MSH3: variants seen among roughly 807,000 people sequenced by gnomAD.
MSH3 encodes mutS homolog 3.
A neutral mutation model predicts 123.3 loss-of-function variants in MSH3; 106 were observed. The ratio of observed to expected loss-of-function variants is 0.86; its 90% CI spans 0.73 to 1.01. The LOEUF (loss-of-function observed/expected upper bound fraction) is 1.01. MSH3 is among the 50% of genes least tolerant of loss of function. The pLI is 0.00. For missense variants in MSH3, 1,459 were observed against 1,347.6 expected, an observed-to-expected ratio of 1.08 and a Z score of -1.29; for synonymous variants, 515 against 481.4, an observed-to-expected ratio of 1.07 and a Z score of -0.91.
At position 80,656,501 on chromosome 5, in the gene MSH3, G is replaced by A. The variant is rs1749291435; in HGVS notation, c.328G>A (p.Gly110Arg). Residue 110 changes from glycine (G) to arginine (R), a missense_variant, in exon 2 of 24, where the codon GGA becomes AGA. By Grantham distance (125) the Gly-to-Arg change is moderately radical. Transcript: ENST00000265081. ...AAAGAAAGTCCAACAAAAGGAAGGA[G>A]GAAGTGATCTGGGAATGTCTGGCAA... ...KVKKVQQKEG[G>R]SDLGMSGNSE... 6.2e-7 allele frequency: 1 copy of A among 1,614,222 alleles called. No homozygotes were observed. Among genetic ancestry groups the A allele is most frequent in the Non-Finnish European group, 8.5e-7 (1 of 1,180,042 alleles).
chr5:80,700,924 A>G (rs181795763), intron 8 of MSH3, among the ~76,000 whole-genome samples: 10 of 152,160 alleles, frequency 6.6e-5, no homozygotes, highest in African/African-American at 2.2e-4. Flanking sequence ...TTTGGAAGCA[A>G]TTGTGTGAGG....
At chr5:80,830,891 A>T (rs1745404930) in intron 20 of MSH3, among the ~76,000 whole-genome samples, 1 of 152,186 alleles carries the variant, frequency 6.6e-6, no homozygotes. Context: ...TTGCTTGATT[A>T]TATGTGCAGT....
At chr5:80,733,632 G>A (rs994791297) in intron 10 of MSH3, among the ~76,000 whole-genome samples, 3 of 151,644 alleles carry the variant, frequency 2.0e-5, no homozygotes, top group African/African-American at 7.3e-5. Flanking sequence ...CAAGTCAATG[G>A]TAAAAAGATA....
At chr5:80,796,154 C>G (rs1422852080) in intron 19 of MSH3, among the ~76,000 whole-genome samples, 1 of 152,088 alleles carries the variant, frequency 6.6e-6, no homozygotes, top group Admixed American at 6.5e-5. Context: ...GTTTCCCTGC[C>G]CATCTACTTG....
chr5:80,843,340 A>T (rs999248532), intron 20 of MSH3, among the ~76,000 whole-genome samples: 4 of 152,204 alleles, frequency 2.6e-5, no homozygotes, highest in African/African-American at 9.7e-5. Context: ...ATTGATGTTC[A>T]TCAGGGATAT....
intron 8 of MSH3, among the ~76,000 whole-genome samples, chr5:80,680,394 T>C (rs995191182): frequency 5.3e-5 from 8 of 151,634 alleles, no homozygotes; most frequent in Admixed American, 1.3e-4. Context: ...TTTCTGATTA[T>C]AAAACTAATA....
chr5:80,664,022 A>G (rs1014759228), intron 2 of MSH3, among the ~76,000 whole-genome samples: 1 of 152,344 alleles, frequency 6.6e-6, no homozygotes, highest in South Asian at 2.1e-4. Context: ...CTAAACGGTG[A>G]AATACTGTGT....
rs1053888143 is a variant in MSH3, at chr5:80,764,735, A to G, written c.1896+3057A>G. On this transcript the variant is annotated intron_variant, in intron 13 of 23. Transcript: ENST00000265081. ...TAAATAGTGCTAGTCACAGGAACCCATAATAACTTTGCTCAAGAACTGTTT... is the reference window on the plus strand; with the variant it reads ...TAAATAGTGCTAGTCACAGGAACCCGTAATAACTTTGCTCAAGAACTGTTT... Among the ~76,000 whole-genome samples, 5 of 152,334 alleles carry G rather than the reference A, an allele frequency of 3.3e-5. No individual in the cohort carries two copies. The South Asian group carries it at 6.2e-4, about 19-fold the overall frequency.
intron 19 of MSH3, among the ~76,000 whole-genome samples, chr5:80,811,523 G>A (rs1239374498): frequency 6.6e-6 from 1 of 152,042 alleles, no homozygotes; most frequent in Admixed American, 6.5e-5. Context: ...AATTTTTCTT[G>A]TAATGTTCTT....
intron 12 of MSH3, 46 bp from the exon 13 acceptor site, chr5:80,761,500 T>C (rs1400671159): frequency 1.2e-6 from 2 of 1,610,964 alleles, no homozygotes; most frequent in Middle Eastern, 1.7e-4. Flanking sequence ...GTCTATATTC[T>C]GAATTCCTAA....
chr5:80,760,911 C>T (rs1178590027), intron 12 of MSH3, among the ~76,000 whole-genome samples: 3 of 152,136 alleles, frequency 2.0e-5, no homozygotes, highest in Non-Finnish European at 4.4e-5. Flanking sequence ...ATGGCCATAC[C>T]TAACTACAGG....
At chr5:80,696,261 C>G (rs1337598122) in intron 8 of MSH3, among the ~76,000 whole-genome samples, 2 of 152,196 alleles carry the variant, frequency 1.3e-5, no homozygotes, top group African/African-American at 4.8e-5. Context: ...GGATGAACCT[C>G]TTGTTTGCTA....
chr5:80,815,144 A>G (rs939730380), intron 20 of MSH3, among the ~76,000 whole-genome samples: 1 of 152,148 alleles, frequency 6.6e-6, no homozygotes, highest in African/African-American at 2.4e-5. Context: ...TTAAAGCTTC[A>G]TTTTTCATCT....
intron 19 of MSH3, among the ~76,000 whole-genome samples, chr5:80,795,981 C>CAA (rs1269834782): frequency 3.0e-5 from 3 of 100,482 alleles, no homozygotes; most frequent in Admixed American, 2.2e-4. Flanking sequence ...GAGACTGTCT[C>CAA]AAAAAAAAAA....
chr5:80,861,818 T>C (rs1746017406), intron 21 of MSH3, among the ~76,000 whole-genome samples: 1 of 152,106 alleles, frequency 6.6e-6, no homozygotes, highest in Admixed American at 6.6e-5. Flanking sequence ...CTCAGGAAAG[T>C]TGTGATTCTT....
At chr5:80,841,115 C>A (rs1260974822) in intron 20 of MSH3, among the ~76,000 whole-genome samples, 1 of 151,434 alleles carries the variant, frequency 6.6e-6, no homozygotes, top group Non-Finnish European at 1.5e-5. Flanking sequence ...TCCAAGTGTT[C>A]TCATTGTTCA....
At chr5:80,656,059 CTG>C (rs1413828942) in intron 1 of MSH3, among the ~76,000 whole-genome samples, 1 of 152,180 alleles carries the variant, frequency 6.6e-6, no homozygotes, top group African/African-American at 2.4e-5. Context: ...TGCTACATAA[CTG>C]TTTATTTCTT....
intron 20 of MSH3, among the ~76,000 whole-genome samples, chr5:80,823,904 G>A (rs1293775516): frequency 6.6e-6 from 1 of 152,116 alleles, no homozygotes; most frequent in African/African-American, 2.4e-5. Flanking sequence ...GACTCTTAAT[G>A]AGCATGCTGC....
At chr5:80,730,465 T>C (rs1043507373) in intron 10 of MSH3, among the ~76,000 whole-genome samples, 2 of 152,148 alleles carry the variant, frequency 1.3e-5, no homozygotes, top group African/African-American at 4.8e-5. Context: ...ATAGTGGAGT[T>C]CTAACTGATG....
Sources: allele counts gnomAD v4.1 joint callset (sites outside exome capture counted in the v4.1 genomes callset), GRCh38; gene constraint gnomAD v4.1.1; transcripts MANE v1.5; gene names NCBI Gene and HGNC (gene_info 2026-07-23, HGNC 2026-07-21).